Variants in UNC80 observed in about 807,000 individuals in gnomAD.
UNC80 encodes the protein unc-80 subunit of NALCN channel complex.
UNC80 carries 164 observed loss-of-function variants against 384.6 expected under a neutral mutation model. The observed-to-expected ratio is 0.43, with a 90% CI of 0.38 to 0.49. The LOEUF is 0.49. Among genes scored for constraint, UNC80 ranks in the 20% least tolerant of loss-of-function variants. UNC80 has a pLI of 0.00. For synonymous variants in UNC80, 1,486 were observed against 1,527.8 expected, an observed-to-expected ratio of 0.97 and a Z score of 0.64; for missense variants, 3,330 against 4,143.0, an observed-to-expected ratio of 0.80 and a Z score of 5.39.
At position 209,976,335 on chromosome 2, in the gene UNC80, C is replaced by A. The variant is rs1575197852; in HGVS notation, c.8772+32C>A. 1 of 1,551,464 alleles carries A rather than the reference C, an allele frequency of 6.4e-7. No individual in the cohort carries two copies. Among genetic ancestry groups the A allele is most frequent in the African/African-American group, 1.4e-5 (1 of 73,148 alleles). On this transcript the variant is annotated intron_variant, in intron 57 of 64. Coordinates refer to ENST00000673920, the MANE Select transcript of UNC80 (RefSeq NM_001371986.1). The surrounding 1 kb of genome is among the most constrained non-coding windows in gnomAD (Gnocchi z 4.3). ...TGTGTGCTTCTCCTCCTGAAAGTGG[C>A]AAGCTCAAATGAATGTGTGGCTCTC...
intron 19 of UNC80, 143 bp from the exon 20 acceptor site, chr2:209,840,399 G>C (rs2081649940): frequency 1.5e-6 from 1 of 680,324 alleles, no homozygotes; most frequent in Non-Finnish European, 2.5e-6. Flanking sequence ...TTTATTCAAA[G>C]CATGTACATT....
At chr2:209,888,734 G>A (rs111741672) in intron 26 of UNC80, among the ~76,000 whole-genome samples, 2,007 of 152,054 alleles carry the variant, frequency 0.013, 60 homozygotes, top group African/African-American at 0.045. Context: ...TCCTGCCTCA[G>A]CCTCCCTAGT....
chr2:209,825,884 T>G, intron 13 of UNC80, 23 bp from the exon 14 acceptor site: 2 of 1,510,694 alleles, frequency 1.3e-6, no homozygotes, highest in Non-Finnish European at 1.8e-6. Context: ...GACTTTTCTT[T>G]CTTTCTCATT....
chr2:209,846,251 C>T (rs1254048189), intron 21 of UNC80, among the ~76,000 whole-genome samples: 1 of 151,958 alleles, frequency 6.6e-6, no homozygotes, highest in Non-Finnish European at 1.5e-5. Flanking sequence ...AAAAGTTATT[C>T]AATAAATAAA....
Position 209,995,754 on chromosome 2 carries a change from A to T in UNC80, c.*159A>T, listed in dbSNP as rs967239513. On this transcript the variant is annotated 3_prime_UTR_variant, in exon 65 of 65. Coordinates refer to ENST00000673920, the MANE Select transcript of UNC80 (RefSeq NM_001371986.1). ...ATAGGTTTTGCTGCCAATACACATG[A>T]TGTTTCATAAACATCTTAAAAGTCA... 2 of 798,458 alleles carry T rather than the reference A, an allele frequency of 2.5e-6. No homozygotes were observed. Among genetic ancestry groups the T allele is most frequent in the Non-Finnish European group, 3.9e-6 (2 of 519,450 alleles). The allele number at this position is 798,458 out of a possible 1,614,324, so 49.5% of individuals were successfully genotyped here. A position where few individuals can be genotyped will look rare whatever the true frequency, so the allele number is the denominator to read the frequency against.
At chr2:209,993,196 TA>T (rs1559454560) in intron 62 of UNC80, 118 bp from the exon 63 acceptor site, 1 of 706,932 alleles carries the variant, frequency 1.4e-6, no homozygotes, top group East Asian at 2.9e-5. Flanking sequence ...GAAATAAATT[TA>T]TCAGCTATAA....
intron 35 of UNC80, 102 bp from the exon 36 acceptor site, chr2:209,926,741 A>G: frequency 1.3e-5 from 19 of 1,410,732 alleles, no homozygotes; most frequent in Non-Finnish European, 1.8e-5. Flanking sequence ...ATGCCACTGT[A>G]CTCCAGCCTG....
intron 22 of UNC80, among the ~76,000 whole-genome samples, chr2:209,862,649 C>CTTTTTTTTT (rs71043955): frequency 0.012 from 908 of 78,558 alleles, 45 homozygotes; most frequent in African/African-American, 0.044. Flanking sequence ...GCAACCTCTG[C>CTTTTTTTTT]TTTTTTTTTT....
chr2:209,874,263 G>A (rs534629286), intron 23 of UNC80, among the ~76,000 whole-genome samples: 1 of 152,142 alleles, frequency 6.6e-6, no homozygotes, highest in East Asian at 1.9e-4. Flanking sequence ...ATACATAGAG[G>A]CACCAGTAAT....
At chr2:209,812,140 C>T (rs1443598622) in intron 7 of UNC80, among the ~76,000 whole-genome samples, 1 of 152,108 alleles carries the variant, frequency 6.6e-6, no homozygotes, top group Admixed American at 6.5e-5. Context: ...AGCTCCGCCT[C>T]CCGGGTTCAC....
chr2:209,788,143 G>A (rs558376133), intron 5 of UNC80, among the ~76,000 whole-genome samples: 37 of 152,166 alleles, frequency 2.4e-4, no homozygotes, highest in Non-Finnish European at 4.6e-4. Flanking sequence ...TTGGCCGGGC[G>A]CGGTGGCTCA....
At chr2:209,930,039 A>T in intron 37 of UNC80, 68 bp downstream of exon 37, 2 of 1,051,044 alleles carry the variant, frequency 1.9e-6, no homozygotes, top group Non-Finnish European at 2.7e-6. Flanking sequence ...AATCATGCAA[A>T]GAACTTTATA....
At chr2:209,814,306 G>A (rs771446962) in intron 8 of UNC80, among the ~76,000 whole-genome samples, 8 of 151,932 alleles carry the variant, frequency 5.3e-5, no homozygotes, top group South Asian at 2.1e-4. Context: ...CACGATCTTG[G>A]CTCACTGCAA....
chr2:209,894,856 A>G (rs1348128954), intron 27 of UNC80, among the ~76,000 whole-genome samples: 1 of 152,196 alleles, frequency 6.6e-6, no homozygotes, highest in Non-Finnish European at 1.5e-5. Flanking sequence ...TAAAGTCTCT[A>G]TTTACCAGTA....
chr2:209,962,763 G>A (rs932218395), intron 51 of UNC80, among the ~76,000 whole-genome samples: 13 of 152,312 alleles, frequency 8.5e-5, no homozygotes, highest in Middle Eastern at 3.4e-3. Context: ...CTGATTAGGG[G>A]CAGATCCAGA....
chr2:209,840,709 C>A, intron 20 of UNC80, 61 bp downstream of exon 20: 1 of 1,390,394 alleles, frequency 7.2e-7, no homozygotes, highest in Non-Finnish European at 1.0e-6. Context: ...CATGTGAAGG[C>A]TGAGAAATAG....
chr2:209,931,479 A>G (rs2090869929), intron 38 of UNC80, among the ~76,000 whole-genome samples: 1 of 150,820 alleles, frequency 6.6e-6, no homozygotes, highest in South Asian at 2.1e-4. Context: ...GCAACTGTCT[A>G]TGACAGTTTT....
intron 18 of UNC80, among the ~76,000 whole-genome samples, chr2:209,837,920 C>T (rs538276543): frequency 1.2e-3 from 186 of 151,984 alleles, no homozygotes; most frequent in African/African-American, 4.1e-3. Context: ...TACAGGCGCC[C>T]GCCACCGCAC....
chr2:209,799,544 C>T (rs1574491751), intron 7 of UNC80, among the ~76,000 whole-genome samples: 1 of 152,142 alleles, frequency 6.6e-6, no homozygotes, highest in South Asian at 2.1e-4. Context: ...TCCTCTCTTC[C>T]TATTTTAATA....
Sources: gnomAD v4.1 joint callset for allele counts (sites outside exome capture counted in the v4.1 genomes callset) on GRCh38, gnomAD v4.1.1 for gene constraint, Gnocchi (gnomAD v3.1) non-coding constraint, MANE v1.5 for transcripts, NCBI Gene and HGNC (gene_info 2026-07-23, HGNC 2026-07-21) for gene names.